Variants in MORC1 observed in about 807,000 individuals in gnomAD.
The protein encoded by MORC1 is MORC family CW-type zinc finger protein 1.
Under a neutral mutation model 134.9 loss-of-function variants are expected in MORC1, and 59 were observed. That is an observed-to-expected ratio of 0.44 (90% confidence interval 0.35 to 0.54). The LOEUF (loss-of-function observed/expected upper bound fraction) is 0.54, where lower values mean the gene tolerates loss of function less well. Among genes scored for constraint, MORC1 ranks in the 20% least tolerant of loss-of-function variants. The pLI is 0.00. For synonymous variants in MORC1, 395 were observed against 391.7 expected (o/e 1.01, Z -0.10); for missense variants, 947 against 1,134.5 (o/e 0.83, Z 2.37).
Position 108,963,422 on chromosome 3 carries a change from G to A in MORC1, c.2791C>T (p.Leu931Phe). ...RIKLALLLQKLQLGGPEGDLE... is the reference protein window; with the variant it reads ...RIKLALLLQKFQLGGPEGDLE... ...ACAACTTTTTCACTCACCAGTTGGA[G>A]TTTCTGCAACAATAGTGCCAGTTTT... The change falls in exon 27 of 28, where the codon CTC becomes TTC. Residue 931 changes from leucine to phenylalanine, a missense_variant. This residue lies in a region of MORC1 where 722 missense variants were observed against 817.0 expected (regional missense o/e 0.88). Coordinates refer to ENST00000232603, the MANE Select transcript of MORC1 (RefSeq NM_014429.4). 5 of 1,609,950 alleles carry A rather than the reference G, an allele frequency of 3.1e-6. No individual in the cohort carries two copies. The highest frequency in any genetic ancestry group is 4.2e-6 in the Non-Finnish European group (5 of 1,179,100).
intron 9 of MORC1, 61 bp downstream of exon 9, chr3:109,069,571 G>T: frequency 6.9e-7 from 1 of 1,446,034 alleles, no homozygotes; most frequent in Non-Finnish European, 9.3e-7. Context: ...GACAACTTTG[G>T]GGAGCATATC....
chr3:109,032,644 A>C (rs542448247), intron 16 of MORC1, 76 bp downstream of exon 16: 8 of 1,002,728 alleles, frequency 8.0e-6, no homozygotes, highest in Non-Finnish European at 1.2e-5. Context: ...TTATAGATTG[A>C]CATTTTCAAG....
chr3:108,971,193 C>T, intron 25 of MORC1, 137 bp downstream of exon 25: 3 of 679,082 alleles, frequency 4.4e-6, no homozygotes, highest in South Asian at 3.9e-5. Flanking sequence ...TTATGAATCA[C>T]CATTTGGTAT....
intron 17 of MORC1, among the ~76,000 whole-genome samples, chr3:109,008,231 G>T (rs1201022066): frequency 6.6e-6 from 1 of 152,040 alleles, no homozygotes. Flanking sequence ...TTGTAAATAG[G>T]TAATTTCACA....
chr3:109,102,098 T>A (rs932419134), intron 4 of MORC1, among the ~76,000 whole-genome samples: 11 of 152,080 alleles, frequency 7.2e-5, no homozygotes, highest in African/African-American at 2.4e-4. Flanking sequence ...GAGTATTAAG[T>A]GAAGAAAACA....
At position 109,054,830 on chromosome 3, in the gene MORC1, G is replaced by A. The variant is rs778222894; in HGVS notation, c.1228C>T (p.Pro410Ser). 5.0e-6 allele frequency: 8 copies of A among 1,607,602 alleles called. No homozygotes were observed. In the East Asian group the frequency reaches 1.6e-4, roughly 31 times the overall value. Residue 410 changes from proline to serine, a missense_variant, in exon 14 of 28, where the codon CCA (proline) becomes TCA (serine). By Grantham distance (74) the Pro-to-Ser change is moderately conservative. Around this residue, in one of 3 missense-constraint regions of MORC1, gnomAD observed 722 missense variants for 817.0 expected, o/e 0.88. Coordinates refer to ENST00000232603, the MANE Select transcript of MORC1 (RefSeq NM_014429.4). ...IVNIPLEVME[P>S]SHNKQEFLNV... Reference sequence around the variant, plus strand: ...AGAAATTCCTGTTTATTATGGGATGGTTCCATGACCTCCAAGGGTATATTA... The same window carrying A: ...AGAAATTCCTGTTTATTATGGGATGATTCCATGACCTCCAAGGGTATATTA...
At chr3:108,993,149 A>G (rs2107495681) in intron 21 of MORC1, among the ~76,000 whole-genome samples, 1 of 152,252 alleles carries the variant, frequency 6.6e-6, no homozygotes, top group African/African-American at 2.4e-5. Flanking sequence ...ATAACATAAT[A>G]CTACCTCATG....
At chr3:109,064,097 T>C (rs1334504685) in intron 9 of MORC1, among the ~76,000 whole-genome samples, 4 of 152,132 alleles carry the variant, frequency 2.6e-5, no homozygotes, top group East Asian at 3.8e-4. Flanking sequence ...AGAAAATAAG[T>C]TGTACATAAT....
At chr3:109,069,110 T>C (rs1256117337) in intron 9 of MORC1, among the ~76,000 whole-genome samples, 1 of 152,138 alleles carries the variant, frequency 6.6e-6, no homozygotes, top group Non-Finnish European at 1.5e-5. Flanking sequence ...GAACCAAGAT[T>C]GTGCCACTGC....
At chr3:109,066,103 C>T (rs1483760775) in intron 9 of MORC1, among the ~76,000 whole-genome samples, 1 of 151,928 alleles carries the variant, frequency 6.6e-6, no homozygotes, top group African/African-American at 2.4e-5. Context: ...AGGATCCATA[C>T]CCCAAACGTC....
intron 9 of MORC1, among the ~76,000 whole-genome samples, chr3:109,064,395 CACTA>C (rs1338771673): frequency 5.9e-5 from 9 of 151,956 alleles, no homozygotes; most frequent in Non-Finnish European, 1.3e-4. Flanking sequence ...TATGAAGAAA[CACTA>C]AGTACCTTTC....
intron 8 of MORC1, among the ~76,000 whole-genome samples, chr3:109,076,400 A>T (rs1950422497): frequency 6.6e-6 from 1 of 152,212 alleles, no homozygotes; most frequent in Non-Finnish European, 1.5e-5. Flanking sequence ...TAGTTCAACC[A>T]TTGTGGAAGA....
At chr3:109,033,926 T>C (rs1267152654) in intron 15 of MORC1, among the ~76,000 whole-genome samples, 1 of 152,198 alleles carries the variant, frequency 6.6e-6, no homozygotes, top group East Asian at 1.9e-4. Flanking sequence ...CAATTTTGTA[T>C]AGCTCTTGAG....
intron 11 of MORC1, 109 bp downstream of exon 11, chr3:109,061,879 A>G (rs1394960543): frequency 9.3e-6 from 9 of 970,460 alleles, no homozygotes; most frequent in Non-Finnish European, 1.3e-5. Context: ...TTCTGAGCTT[A>G]TCTGTGCTTA....
chr3:109,034,850 G>C (rs944509231), intron 15 of MORC1, among the ~76,000 whole-genome samples: 5 of 152,134 alleles, frequency 3.3e-5, no homozygotes, highest in Non-Finnish European at 7.4e-5. Context: ...CCAGGCTCAA[G>C]CGATCCTCCC....
At chr3:108,982,520 T>G (rs1947757012) in intron 23 of MORC1, among the ~76,000 whole-genome samples, 1 of 140,326 alleles carries the variant, frequency 7.1e-6, no homozygotes, top group East Asian at 2.0e-4. Flanking sequence ...TAGGTGGGAA[T>G]CGAACAATAA....
chr3:109,103,164 AC>A (rs1247028428), intron 4 of MORC1, among the ~76,000 whole-genome samples: 10 of 152,152 alleles, frequency 6.6e-5, no homozygotes, highest in Admixed American at 6.5e-5. Flanking sequence ...GTGGTCAAAA[AC>A]CCTGGCTTGT....
At chr3:108,983,593 A>G (rs2107459283) in intron 23 of MORC1, among the ~76,000 whole-genome samples, 1 of 152,262 alleles carries the variant, frequency 6.6e-6, no homozygotes, top group South Asian at 2.1e-4. Context: ...ATGGGAAGAC[A>G]GAGATTCAAA....
At chr3:109,035,777 T>A (rs376589705) in intron 14 of MORC1, among the ~76,000 whole-genome samples, 1 of 152,298 alleles carries the variant, frequency 6.6e-6, no homozygotes, top group South Asian at 2.1e-4. Context: ...CATATTGACA[T>A]TTAAAGCATT....
Sources: allele counts gnomAD v4.1 joint callset (sites outside exome capture counted in the v4.1 genomes callset), GRCh38; gene constraint gnomAD v4.1.1; regional missense constraint gnomAD v4.1.1; transcripts MANE v1.5; gene names NCBI Gene and HGNC (gene_info 2026-07-23, HGNC 2026-07-21).